The following WDSUB1 variants were observed in gnomAD, a reference collection of about 807,000 sequenced individuals.
WDSUB1 encodes the protein WD repeat, SAM and U-box domain-containing protein 1.
Under a neutral mutation model 53.9 loss-of-function variants are expected in WDSUB1, and 49 were observed. That is an observed-to-expected ratio of 0.91 (90% CI 0.72 to 1.15). The LOEUF is 1.15. WDSUB1 is among the 50% of genes most tolerant of loss of function. The pLI, the probability that WDSUB1 is intolerant of heterozygous loss-of-function variation, is 0.00. For missense variants in WDSUB1, 514 were observed against 562.0 expected (o/e 0.91, Z 0.86); for synonymous variants, 194 against 200.6 (o/e 0.97, Z 0.28).
intron 4 of WDSUB1, 73 bp downstream of exon 4, chr2:159,275,473 A>G: frequency 5.0e-6 from 6 of 1,204,830 alleles, no homozygotes; most frequent in Non-Finnish European, 7.0e-6. Flanking sequence ...AAGGTACCTT[A>G]AGTAAAAAGA....
At chr2:159,240,841 T>C (rs951765933) in intron 10 of WDSUB1, among the ~76,000 whole-genome samples, 7 of 152,126 alleles carry the variant, frequency 4.6e-5, no homozygotes, top group Non-Finnish European at 8.8e-5. Flanking sequence ...CTATAGTAAC[T>C]GAAATTTTAA....
chr2:159,250,942 T>C (rs561260984), intron 9 of WDSUB1, among the ~76,000 whole-genome samples: 1 of 152,094 alleles, frequency 6.6e-6, no homozygotes, highest in East Asian at 1.9e-4. Context: ...AGTAGACATC[T>C]CATTTAAAGA....
intron 6 of WDSUB1, 108 bp downstream of exon 6, chr2:159,259,702 C>G: frequency 8.4e-7 from 1 of 1,190,530 alleles, no homozygotes; most frequent in Non-Finnish European, 1.2e-6. Flanking sequence ...TGTTCTTAGT[C>G]ATACTAAACA....
intron 1 of WDSUB1, 121 bp from the exon 2 acceptor site, chr2:159,283,214 T>A: frequency 1.2e-6 from 1 of 846,970 alleles, no homozygotes; most frequent in East Asian, 2.7e-5. Context: ...ATCAACATTT[T>A]AAAGCAGTGG....
Position 159,236,295 on chromosome 2 carries a change from T to C in WDSUB1, c.1274-105A>G, listed in dbSNP as rs968523094. On this transcript the variant is annotated intron_variant, in intron 10 of 10. Transcript: ENST00000359774. ...TCCCTGCAGAGGCCTTTATTGTGAC[T>C]TAAGGGTTATTCCTGTCTTGCTTGT... is the stretch of plus-strand genomic sequence containing the variant. The C allele has an allele frequency of 2.3e-5, 25 of 1,101,256 alleles. No homozygotes were observed. In the Admixed American group the frequency reaches 5.5e-4, roughly 24 times the overall value. The allele number at this position is 1,101,256 out of a possible 1,614,324, so 68.2% of individuals were successfully genotyped here.
At chr2:159,285,832 A>C (rs1271671429) in intron 1 of WDSUB1, among the ~76,000 whole-genome samples, 1 of 152,086 alleles carries the variant, frequency 6.6e-6, no homozygotes, top group Non-Finnish European at 1.5e-5. Flanking sequence ...CAAACACGAA[A>C]ATTTCTGGTA....
intron 4 of WDSUB1, among the ~76,000 whole-genome samples, chr2:159,273,118 A>G (rs1479795674): frequency 6.6e-6 from 1 of 152,212 alleles, no homozygotes; most frequent in Non-Finnish European, 1.5e-5. Context: ...AAAACAGGAA[A>G]AAATATATAT....
chr2:159,252,538 A>G (rs2060973187), intron 9 of WDSUB1, among the ~76,000 whole-genome samples: 2 of 152,324 alleles, frequency 1.3e-5, no homozygotes, highest in Non-Finnish European at 1.5e-5. Context: ...AACTTCAGAC[A>G]GCAGCTGACC....
At chr2:159,278,886 G>A (rs1378046162) in intron 3 of WDSUB1, among the ~76,000 whole-genome samples, 4 of 152,126 alleles carry the variant, frequency 2.6e-5, no homozygotes, top group Non-Finnish European at 5.9e-5. Flanking sequence ...TTGTCCAATA[G>A]GGCAGTGACT....
In WDSUB1 at chr2:159,282,956, C is replaced by T. The variant is rs1251370667; in HGVS notation, c.114G>A (p.Ser38=). Residue 38 remains serine (S), a synonymous_variant, in exon 2 of 11, where the codon TCG becomes TCA. Coordinates refer to ENST00000359774, the MANE Select transcript of WDSUB1 (RefSeq NM_001128212.3). ...GTGGCAGTTCAGTAAAGTCACGTAA[C>T]GAGTACAGGCGAATTGTTTTGTCCA... is the stretch of plus-strand genomic sequence containing the variant. The part of the protein sequence containing the change: ...CSLDKTIRLY[S]LRDFTELPHS... 5.0e-6 allele frequency: 8 copies of T among 1,614,006 alleles called. No homozygotes were observed. In the East Asian group the frequency reaches 1.1e-4, roughly 22 times the overall value.
intron 5 of WDSUB1, among the ~76,000 whole-genome samples, chr2:159,265,385 G>A (rs1442379394): frequency 6.6e-6 from 1 of 151,942 alleles, no homozygotes; most frequent in East Asian, 1.9e-4. Flanking sequence ...TCATTTCCAA[G>A]GAATCCTAAA....
chr2:159,251,057 G>C (rs551530037), intron 9 of WDSUB1, among the ~76,000 whole-genome samples: 2 of 151,642 alleles, frequency 1.3e-5, no homozygotes, highest in South Asian at 4.2e-4. Flanking sequence ...AAGACCAGGA[G>C]TTTGAGACCA....
chr2:159,236,449 C>A (rs2060484647), intron 10 of WDSUB1, among the ~76,000 whole-genome samples: 2 of 152,032 alleles, frequency 1.3e-5, no homozygotes, highest in Non-Finnish European at 1.5e-5. Context: ...GAGACTGGGA[C>A]CCTGTCAAAT....
chr2:159,257,680 G>T, intron 8 of WDSUB1, 78 bp downstream of exon 8: 2 of 1,311,166 alleles, frequency 1.5e-6, no homozygotes, highest in Non-Finnish European at 2.2e-6. Context: ...GAGCCGCGGT[G>T]CCCAGCCCGA....
chr2:159,271,863 C>G, intron 4 of WDSUB1, 68 bp from the exon 5 acceptor site: 2 of 1,238,518 alleles, frequency 1.6e-6, no homozygotes, highest in Admixed American at 2.2e-5. Flanking sequence ...AAGTCAACAC[C>G]ATTTCACTTA....
intron 9 of WDSUB1, among the ~76,000 whole-genome samples, chr2:159,254,377 T>C (rs1206582507): frequency 6.6e-6 from 1 of 151,618 alleles, no homozygotes; most frequent in African/African-American, 2.4e-5. Context: ...CTGGGCAAAG[T>C]AGTGAGACCT....
Position 159,245,567 on chromosome 2 carries a change from C to T in WDSUB1, c.1273+2805G>A, listed in dbSNP as rs570225201. Among the ~76,000 whole-genome samples, 26 of 151,202 alleles carry T rather than the reference C, an allele frequency of 1.7e-4. No individual in the cohort carries two copies. In the East Asian group the frequency reaches 2.1e-3, roughly 12 times the overall value. On this transcript the variant is annotated intron_variant, in intron 10 of 10. Coordinates refer to ENST00000359774, the MANE Select transcript of WDSUB1 (RefSeq NM_001128212.3). ...AAAAAGACTATAAAGCTACAGTAAT[C>T]GAAGCACTGTGGTAACCGGCCCCCA...
At position 159,283,019 on chromosome 2, in the gene WDSUB1, G is replaced by A; in HGVS notation, c.51C>T (p.Cys17=). The change falls in exon 2 of 11, where the codon TGC becomes TGT. Residue 17 remains cysteine, a synonymous_variant. Transcript: ENST00000359774. ...TLADHGDDVN[C]CAFSFSLLAT... The stretch of plus-strand genomic sequence containing the variant: ...CCAAGAGGGAAAAGGAGAAGGCACA[G>A]CAGTTGACATCGTCACCATGATCAG... 2.5e-6 allele frequency: 4 copies of A among 1,614,074 alleles called. No individual in the cohort carries two copies. The highest frequency in any genetic ancestry group is 2.2e-5 in the East Asian group (1 of 44,888).
intron 10 of WDSUB1, among the ~76,000 whole-genome samples, chr2:159,236,846 C>G (rs1559518965): frequency 6.6e-6 from 1 of 152,234 alleles, no homozygotes; most frequent in East Asian, 1.9e-4. Context: ...GTCTTGAACT[C>G]CTGACCTCAG....
Sources: allele counts gnomAD v4.1 joint callset (sites outside exome capture counted in the v4.1 genomes callset), GRCh38; gene constraint gnomAD v4.1.1; transcripts MANE v1.5; gene names NCBI Gene and HGNC (gene_info 2026-07-23, HGNC 2026-07-21).